The following TMEM165 variants were observed in gnomAD, a reference collection of about 807,000 sequenced individuals.
TMEM165 encodes putative divalent cation/proton antiporter TMEM165.
A neutral mutation model predicts 30.0 loss-of-function variants in TMEM165; 19 were observed. The observed-to-expected ratio is 0.63, with a 90% confidence interval of 0.44 to 0.93. TMEM165 has a LOEUF of 0.93. TMEM165 is among the 40% of genes least tolerant of loss of function. The pLI, the probability that TMEM165 is intolerant of heterozygous loss-of-function variation, is 0.00. For synonymous variants in TMEM165, 168 were observed against 162.9 expected, an observed-to-expected ratio of 1.03 and a Z score of -0.24; for missense variants, 340 against 417.0, an observed-to-expected ratio of 0.82 and a Z score of 1.61.
At chr4:55,401,647 A>G (rs1720997841) in intron 1 of TMEM165, among the ~76,000 whole-genome samples, 1 of 150,248 alleles carries the variant, frequency 6.7e-6, no homozygotes, top group Non-Finnish European at 1.5e-5. Context: ...TTCTATTTTC[A>G]TTAAGTTGCA....
At chr4:55,406,512 A>G (rs962703544) in intron 1 of TMEM165, among the ~76,000 whole-genome samples, 6 of 152,222 alleles carry the variant, frequency 3.9e-5, no homozygotes, top group African/African-American at 1.4e-4. Context: ...TACTTAGTAT[A>G]TACTTTTTCT....
At chr4:55,421,138 C>T (rs1721956684) in intron 4 of TMEM165, among the ~76,000 whole-genome samples, 1 of 134,970 alleles carries the variant, frequency 7.4e-6, no homozygotes, top group Non-Finnish European at 1.5e-5. Context: ...CTGCACTCCA[C>T]TCTGGTCGAC....
intron 3 of TMEM165, chr4:55,443,956 T>C: frequency 6.8e-7 from 1 of 1,481,000 alleles, no homozygotes; most frequent in Non-Finnish European, 9.3e-7. Context: ...GAATGAGCAT[T>C]AAAAAGAAGG....
chr4:55,396,584 A>G (rs562417361), intron 1 of TMEM165, among the ~76,000 whole-genome samples, 188 bp downstream of exon 1: 13 of 152,210 alleles, frequency 8.5e-5, no homozygotes, highest in African/African-American at 2.9e-4. Context: ...CCGCTCCTTT[A>G]GGGAAAGGGA....
chr4:55,423,475 G>C (rs1401344066), intron 4 of TMEM165: 1 of 152,062 alleles, frequency 6.6e-6, no homozygotes, highest in African/African-American at 2.4e-5. Flanking sequence ...CTGTTGCCCA[G>C]GATGGAGAAC....
At chr4:55,442,157 T>C (rs1723423563) in intron 3 of TMEM165, 1 of 408,008 alleles carries the variant, frequency 2.5e-6, no homozygotes. Context: ...ACAGAGCCTG[T>C]CATAAACCTT....
intron 4 of TMEM165, among the ~76,000 whole-genome samples, chr4:55,422,258 A>C (rs1483444215): frequency 6.6e-6 from 1 of 152,004 alleles, no homozygotes; most frequent in Admixed American, 6.6e-5. Flanking sequence ...TCTCTGTAAC[A>C]GGTTTATTGA....
chr4:55,435,720 T>C, intron 3 of TMEM165: 2 of 945,620 alleles, frequency 2.1e-6, no homozygotes, highest in South Asian at 1.4e-5. Flanking sequence ...CATATCACTT[T>C]CACTCTCTGG....
chr4:55,448,808 T>C (rs924325080), intron 3 of TMEM165: 33 of 1,613,976 alleles, frequency 2.0e-5, no homozygotes, highest in Non-Finnish European at 2.5e-5. Context: ...ATTGGTAAAT[T>C]TGTAGCTTGA....
intron 3 of TMEM165, among the ~76,000 whole-genome samples, chr4:55,448,179 C>T (rs1222061887): frequency 6.6e-6 from 1 of 152,322 alleles, no homozygotes; most frequent in East Asian, 1.9e-4. Context: ...ATCTGTCATT[C>T]CCTCTAGATG....
intron 3 of TMEM165, chr4:55,438,324 T>G (rs141175897): frequency 3.8e-4 from 617 of 1,613,980 alleles, no homozygotes; most frequent in Non-Finnish European, 5.1e-4. Context: ...GAGCCTGAGA[T>G]GGTTGCTGAA....
rs1721500771 is a variant in TMEM165, at chr4:55,411,603, T to G, written c.208-11T>G. 3.8e-6 allele frequency: 6 copies of G among 1,597,268 alleles called. No homozygotes were observed. The highest frequency in any genetic ancestry group is 4.3e-6 in the Non-Finnish European group (5 of 1,171,446). ...AATGATTTTAAGAAGTAACTGATTT[T>G]TTTTTTCCAGAAAATATTTACACCA... On this transcript the variant is annotated splice_polypyrimidine_tract_variant and intron_variant, in intron 1 of 5. Coordinates refer to ENST00000381334, the MANE Select transcript of TMEM165 (RefSeq NM_018475.5).
At chr4:55,411,888 G>C (rs1045295961) in intron 2 of TMEM165, 49 bp downstream of exon 2, 1 of 1,565,054 alleles carries the variant, frequency 6.4e-7, no homozygotes, top group East Asian at 2.2e-5. Flanking sequence ...AAGGGAAAGC[G>C]TGTTGTGTGA....
At chr4:55,433,162 A>G (rs1722634185) in intron 3 of TMEM165, 1 of 152,676 alleles carries the variant, frequency 6.5e-6, no homozygotes, top group Admixed American at 6.5e-5. Context: ...TGCTATTGCC[A>G]TATTCCACAA....
intron 1 of TMEM165, among the ~76,000 whole-genome samples, chr4:55,401,641 A>G (rs1230149230): frequency 1.3e-5 from 2 of 150,024 alleles, no homozygotes; most frequent in East Asian, 1.9e-4. Flanking sequence ...ACTTTTTTCT[A>G]TTTTCATTAA....
intron 3 of TMEM165, chr4:55,449,401 T>A: frequency 2.5e-6 from 4 of 1,612,944 alleles, no homozygotes; most frequent in Non-Finnish European, 3.4e-6. Flanking sequence ...CTTACCTGAC[T>A]ACTAAATGAT....
chr4:55,401,942 C>A (rs2109522848), intron 1 of TMEM165, among the ~76,000 whole-genome samples: 1 of 149,746 alleles, frequency 6.7e-6, no homozygotes, highest in Non-Finnish European at 1.5e-5. Context: ...CATGATGAAA[C>A]CCCATCTCTA....
Position 55,408,862 on chromosome 4 carries a change from C to T in TMEM165, c.208-2752C>T, listed in dbSNP as rs148139819. Among the ~76,000 whole-genome samples, 503 of 150,626 alleles carry T rather than the reference C, an allele frequency of 3.3e-3. 2 individuals carry two copies. The highest frequency in any genetic ancestry group is 0.011 in the African/African-American group (463 of 40,978). ...TTCAGATCCTGAAATTTTATACAAA[C>T]CTTTAAAAAGCATTTTCAGGAGGAA... On this transcript the variant is annotated intron_variant, in intron 1 of 5. Transcript: ENST00000381334.
intron 1 of TMEM165, among the ~76,000 whole-genome samples, chr4:55,400,639 G>A (rs1301630956): frequency 6.7e-6 from 1 of 148,592 alleles, no homozygotes; most frequent in Non-Finnish European, 1.5e-5. Context: ...AGGTTTTACC[G>A]TGTTAGCCAG....
Sources: allele counts gnomAD v4.1 joint callset (sites outside exome capture counted in the v4.1 genomes callset), GRCh38; gene constraint gnomAD v4.1.1; transcripts MANE v1.5; gene names NCBI Gene and HGNC (gene_info 2026-07-23, HGNC 2026-07-21).